CNTLN: variants seen among roughly 807,000 people sequenced by gnomAD.
CNTLN encodes the protein centlein.
In CNTLN, 212 loss-of-function variants were observed where a neutral mutation model predicts 180.0. That is an observed-to-expected ratio of 1.18 (90% confidence interval 1.05 to 1.32). CNTLN has a LOEUF of 1.32. CNTLN is among the 40% of genes most tolerant of loss of function. CNTLN has a pLI of 0.00. For missense variants in CNTLN, 2,095 were observed against 1,610.9 expected, an observed-to-expected ratio of 1.30 and a Z score of -5.14; for synonymous variants, 722 against 563.1, an observed-to-expected ratio of 1.28 and a Z score of -3.99.
intron 18 of CNTLN, among the ~76,000 whole-genome samples, chr9:17,429,067 T>C (rs1330600398): frequency 6.6e-6 from 1 of 152,062 alleles, no homozygotes; most frequent in Non-Finnish European, 1.5e-5. Flanking sequence ...TATTTGGCTT[T>C]GTATATTTAT....
At chr9:17,387,653 G>A (rs991830163) in intron 13 of CNTLN, among the ~76,000 whole-genome samples, 1 of 151,834 alleles carries the variant, frequency 6.6e-6, no homozygotes. Context: ...GATTTGTATG[G>A]TTTACCTCAC....
intron 12 of CNTLN, among the ~76,000 whole-genome samples, chr9:17,359,522 AAAT>A (rs1307232053): frequency 6.6e-6 from 1 of 151,632 alleles, no homozygotes; most frequent in Non-Finnish European, 1.5e-5. Flanking sequence ...TCCTGTGACT[AAAT>A]AAGAAAAGGA....
intron 5 of CNTLN, among the ~76,000 whole-genome samples, chr9:17,249,119 A>T (rs927612252): frequency 2.6e-5 from 4 of 151,976 alleles, no homozygotes; most frequent in Non-Finnish European, 5.9e-5. Flanking sequence ...TTAGTTTGCT[A>T]TTCTGTTTCT....
At chr9:17,464,938 A>G (rs1284991337) in intron 21 of CNTLN, among the ~76,000 whole-genome samples, 2 of 151,184 alleles carry the variant, frequency 1.3e-5, no homozygotes, top group Admixed American at 1.3e-4. Context: ...GTAATTTATG[A>G]TAGAATCAAG....
intron 5 of CNTLN, among the ~76,000 whole-genome samples, chr9:17,237,690 C>T (rs1003277666): frequency 1.3e-5 from 2 of 151,704 alleles, no homozygotes; most frequent in African/African-American, 4.8e-5. Context: ...ATTTGGAGAC[C>T]CCTGGCTGGG....
chr9:17,357,367 A>T (rs10963064), intron 12 of CNTLN, among the ~76,000 whole-genome samples: 35,775 of 151,658 alleles, frequency 0.24, 4,407 homozygotes, highest in South Asian at 0.34. Flanking sequence ...AGGCAGATAT[A>T]TCACTTGAGT....
At chr9:17,180,392 G>T (rs1241741525) in intron 2 of CNTLN, among the ~76,000 whole-genome samples, 1 of 146,900 alleles carries the variant, frequency 6.8e-6, no homozygotes, top group Admixed American at 6.8e-5. Context: ...ACATAACTTA[G>T]CACAGTGTAC....
At chr9:17,212,541 C>A (rs563139975) in intron 2 of CNTLN, among the ~76,000 whole-genome samples, 1 of 152,096 alleles carries the variant, frequency 6.6e-6, no homozygotes, top group South Asian at 2.1e-4. Flanking sequence ...CTCTGCCCGG[C>A]TTTGGTATCA....
intron 2 of CNTLN, among the ~76,000 whole-genome samples, chr9:17,159,068 C>T (rs980835964): frequency 6.6e-6 from 1 of 152,150 alleles, no homozygotes; most frequent in African/African-American, 2.4e-5. Context: ...GTGATGTCCT[C>T]TTTGACCTGT....
chr9:17,360,957 T>C (rs1823333472), intron 12 of CNTLN, among the ~76,000 whole-genome samples: 1 of 152,216 alleles, frequency 6.6e-6, no homozygotes, highest in Non-Finnish European at 1.5e-5. Flanking sequence ...ATAGTGTTTT[T>C]CAAATGTTCT....
rs540700420 is a variant in CNTLN at position 17,362,726 on chromosome 9, T to A, written c.1887-3891T>A. On this transcript the variant is annotated intron_variant, in intron 12 of 25. Coordinates refer to ENST00000380647, the MANE Select transcript of CNTLN (RefSeq NM_017738.4). ...TTTTTAATTTTTTTCTTGCACGTTT[T>A]ATTTTCTTATGCTCCTTTTTTTAAA... 2.2e-3 allele frequency among the ~76,000 whole-genome samples: 334 copies of A among 152,292 alleles called. 2 individuals are homozygous for A. The highest frequency in any genetic ancestry group is 2.5e-3 in the Admixed American group (38 of 15,302).
chr9:17,192,449 A>G (rs1821849955), intron 2 of CNTLN, among the ~76,000 whole-genome samples: 1 of 151,412 alleles, frequency 6.6e-6, no homozygotes, highest in Admixed American at 6.6e-5. Context: ...ACATTGGCCA[A>G]GCTGGTCTTG....
chr9:17,218,507 A>G (rs1823915775), intron 2 of CNTLN, among the ~76,000 whole-genome samples: 1 of 152,122 alleles, frequency 6.6e-6, no homozygotes, highest in South Asian at 2.1e-4. Flanking sequence ...GTTCATGAAT[A>G]AATGGATAAT....
At position 17,262,850 on chromosome 9, in the gene CNTLN, G is replaced by A. The variant is rs569192021; in HGVS notation, c.850-10883G>A. Among the ~76,000 whole-genome samples the A allele has an allele frequency of 1.4e-4, 21 of 151,388 alleles. 1 individual carries two copies. Among genetic ancestry groups the A allele is most frequent in the South Asian group, 8.3e-4 (4 of 4,828 alleles). ...GTATGATGTTGGCTGTGGGTTTGTC[G>A]TAGATGGCTCGTAGTATTTTGGGGT... On this transcript the variant is annotated intron_variant, in intron 5 of 25. Coordinates refer to ENST00000380647, the MANE Select transcript of CNTLN (RefSeq NM_017738.4).
intron 8 of CNTLN, among the ~76,000 whole-genome samples, chr9:17,319,519 G>A (rs1009831752): frequency 3.3e-5 from 5 of 152,100 alleles, no homozygotes; most frequent in African/African-American, 1.2e-4. Context: ...GGATTTTGGG[G>A]GTGTTATTTA....
intron 12 of CNTLN, among the ~76,000 whole-genome samples, chr9:17,356,063 C>CAAAAAAAAA (rs71492915): frequency 5.1e-5 from 1 of 19,598 alleles, no homozygotes; most frequent in Non-Finnish European, 1.2e-4. Flanking sequence ...GACTCCATCT[C>CAAAAAAAAA]AAAAAAAAAA....
chr9:17,149,423 C>T (rs1030431592), intron 2 of CNTLN, among the ~76,000 whole-genome samples: 12 of 151,980 alleles, frequency 7.9e-5, no homozygotes, highest in Admixed American at 5.9e-4. Context: ...AACTAATTTA[C>T]ACCCCCACCA....
intron 12 of CNTLN, among the ~76,000 whole-genome samples, chr9:17,358,507 G>A (rs1041152067): frequency 1.7e-4 from 26 of 151,942 alleles, no homozygotes; most frequent in African/African-American, 6.0e-4. Flanking sequence ...ACATGTAGAC[G>A]TACACGTGTG....
chr9:17,498,808 T>C (rs150068041), intron 25 of CNTLN, among the ~76,000 whole-genome samples: 2 of 152,238 alleles, frequency 1.3e-5, no homozygotes, highest in African/African-American at 2.4e-5. Flanking sequence ...AATGTTGGTT[T>C]GTTGTTTCAG....
Sources: gnomAD v4.1 joint callset for allele counts (sites outside exome capture counted in the v4.1 genomes callset) on GRCh38, gnomAD v4.1.1 for gene constraint, MANE v1.5 for transcripts, NCBI Gene and HGNC (gene_info 2026-07-23, HGNC 2026-07-21) for gene names.